The following CNTNAP5 variants were observed in gnomAD, a reference collection of about 807,000 sequenced individuals.
The protein encoded by CNTNAP5 is contactin associated protein family member 5.
Under a neutral mutation model 150.2 loss-of-function variants are expected in CNTNAP5, and 72 were observed. That is an observed-to-expected ratio of 0.48 (90% CI 0.40 to 0.58). CNTNAP5 has a LOEUF of 0.58. Among genes scored for constraint, CNTNAP5 ranks in the 20% least tolerant of loss-of-function variants. The pLI is 0.00. For synonymous variants in CNTNAP5, 672 were observed against 619.8 expected, an observed-to-expected ratio of 1.08 and a Z score of -1.25; for missense variants, 1,636 against 1,626.2, an observed-to-expected ratio of 1.01 and a Z score of -0.10.
At chr2:124,643,382 C>T (rs540326560) in intron 12 of CNTNAP5, among the ~76,000 whole-genome samples, 1 of 152,140 alleles carries the variant, frequency 6.6e-6, no homozygotes, top group South Asian at 2.1e-4. Flanking sequence ...AATATTTTTC[C>T]AGGTTTCTGG....
intron 1 of CNTNAP5, among the ~76,000 whole-genome samples, chr2:124,096,701 A>G (rs1213329640): frequency 2.0e-5 from 3 of 151,378 alleles, no homozygotes; most frequent in Non-Finnish European, 4.4e-5. Context: ...TATTATTATT[A>G]TTATTTATTT....
chr2:124,385,815 A>G (rs1035964456), intron 3 of CNTNAP5, among the ~76,000 whole-genome samples: 1 of 152,162 alleles, frequency 6.6e-6, no homozygotes, highest in African/African-American at 2.4e-5. Context: ...TGAGTACTCT[A>G]TCCCTGGAGG....
At chr2:124,275,183 T>C (rs1687856888) in intron 3 of CNTNAP5, among the ~76,000 whole-genome samples, 1 of 152,068 alleles carries the variant, frequency 6.6e-6, no homozygotes, top group South Asian at 2.1e-4. Context: ...ACTGGGTCCC[T>C]CCCATGACAT....
At chr2:124,371,556 G>C (rs1369777180) in intron 3 of CNTNAP5, among the ~76,000 whole-genome samples, 1 of 152,078 alleles carries the variant, frequency 6.6e-6, no homozygotes, top group Admixed American at 6.6e-5. Flanking sequence ...AGTTTAGTGT[G>C]CTAATAGGCT....
chr2:124,863,337 G>A (rs965563066), intron 19 of CNTNAP5, among the ~76,000 whole-genome samples: 1 of 152,124 alleles, frequency 6.6e-6, no homozygotes, highest in African/African-American at 2.4e-5. Context: ...CCAGGGGCAG[G>A]AGGGGTACCT....
At chr2:124,668,574 G>C (rs1193420937) in intron 13 of CNTNAP5, among the ~76,000 whole-genome samples, 1 of 152,150 alleles carries the variant, frequency 6.6e-6, no homozygotes, top group Non-Finnish European at 1.5e-5. Context: ...CTGCTACTCT[G>C]TGCTTGAGTG....
At chr2:124,200,506 A>T in intron 1 of CNTNAP5, among the ~76,000 whole-genome samples, 1 of 152,088 alleles carries the variant, frequency 6.6e-6, no homozygotes, top group Admixed American at 6.5e-5. Context: ...ACTTCTTCTA[A>T]TATGCTTTTA....
intron 3 of CNTNAP5, among the ~76,000 whole-genome samples, chr2:124,380,799 A>G (rs1176014689): frequency 1.3e-5 from 2 of 152,200 alleles, no homozygotes; most frequent in Non-Finnish European, 2.9e-5. Context: ...ATAGAGCAGC[A>G]ATCAAAACAG....
intron 7 of CNTNAP5, among the ~76,000 whole-genome samples, chr2:124,490,865 A>T (rs980295843): frequency 4.6e-5 from 7 of 151,688 alleles, no homozygotes; most frequent in Admixed American, 1.3e-4. Context: ...ACTCTGTTTT[A>T]AAAAAAATTT....
At chr2:124,622,927 G>A (rs1487322535) in intron 12 of CNTNAP5, among the ~76,000 whole-genome samples, 1 of 152,134 alleles carries the variant, frequency 6.6e-6, no homozygotes, top group Non-Finnish European at 1.5e-5. Flanking sequence ...TACCAAGCTA[G>A]TACAACATGC....
chr2:124,496,046 G>A (rs935054060), intron 7 of CNTNAP5, among the ~76,000 whole-genome samples: 11 of 152,180 alleles, frequency 7.2e-5, no homozygotes, highest in Non-Finnish European at 1.5e-4. Flanking sequence ...CTAGGTGGGC[G>A]GGTCTGAGTC....
intron 6 of CNTNAP5, among the ~76,000 whole-genome samples, chr2:124,450,630 C>T (rs1692946188): frequency 6.8e-6 from 1 of 148,026 alleles, no homozygotes; most frequent in Non-Finnish European, 1.5e-5. Flanking sequence ...TCTCAGTTTA[C>T]ATCACTTAAC....
At chr2:124,870,395 CTTT>C (rs1371600756) in intron 21 of CNTNAP5, among the ~76,000 whole-genome samples, 2 of 151,968 alleles carry the variant, frequency 1.3e-5, no homozygotes, top group African/African-American at 4.8e-5. Context: ...TTTTCTCATT[CTTT>C]TTCTTTCAAT....
chr2:124,857,682 A>T (rs1677408468), intron 19 of CNTNAP5, among the ~76,000 whole-genome samples: 1 of 152,008 alleles, frequency 6.6e-6, no homozygotes, highest in South Asian at 2.1e-4. Context: ...AAGAAAAAAA[A>T]ATGAATAGTT....
chr2:124,415,612 A>G (rs1370566009), intron 3 of CNTNAP5, among the ~76,000 whole-genome samples: 1 of 152,228 alleles, frequency 6.6e-6, no homozygotes. Context: ...ATTGCACACC[A>G]GCAAGTAGGT....
intron 19 of CNTNAP5, among the ~76,000 whole-genome samples, chr2:124,860,788 A>T (rs1007789143): frequency 1.3e-5 from 2 of 152,004 alleles, no homozygotes; most frequent in Non-Finnish European, 2.9e-5. Flanking sequence ...CAGTTTACAG[A>T]GGCCAGGGAG....
intron 11 of CNTNAP5, among the ~76,000 whole-genome samples, chr2:124,600,417 G>T (rs1696958535): frequency 6.6e-6 from 1 of 152,010 alleles, no homozygotes; most frequent in African/African-American, 2.4e-5. Context: ...AGCCCATCTG[G>T]CTGCCACACA....
chr2:124,913,721 C>CA (rs551284916), intron 23 of CNTNAP5, among the ~76,000 whole-genome samples: 1 of 151,806 alleles, frequency 6.6e-6, no homozygotes, highest in African/African-American at 2.4e-5. Context: ...TGTGAGGTGA[C>CA]AAAAAAATGG....
chr2:124,476,219 T>G (rs985933130), intron 7 of CNTNAP5, among the ~76,000 whole-genome samples: 3 of 152,202 alleles, frequency 2.0e-5, no homozygotes, highest in African/African-American at 7.2e-5. Context: ...ACCATTTCTA[T>G]ATATTTAGAA....
Sources: allele counts gnomAD v4.1 joint callset (sites outside exome capture counted in the v4.1 genomes callset), GRCh38; gene constraint gnomAD v4.1.1; transcripts MANE v1.5; gene names NCBI Gene and HGNC (gene_info 2026-07-23, HGNC 2026-07-21).